Variants in PTPRD observed in about 807,000 individuals in gnomAD.
The protein encoded by PTPRD is protein tyrosine phosphatase receptor type D.
PTPRD carries 34 observed loss-of-function variants against 214.5 expected under a neutral mutation model. That is an observed-to-expected ratio of 0.16 (90% CI 0.12 to 0.21). The LOEUF (loss-of-function observed/expected upper bound fraction) is 0.21. Among genes scored for constraint, PTPRD ranks in the 10% least tolerant of loss-of-function variants. The probability of loss-of-function intolerance (pLI) is 1.00; values close to 1 mark genes in which losing one functional copy is unlikely to be tolerated. For missense variants in PTPRD, 2,545 were observed against 2,398.7 expected, an observed-to-expected ratio of 1.06 and a Z score of -1.27; for synonymous variants, 1,128 against 845.7, an observed-to-expected ratio of 1.33 and a Z score of -5.79.
At chr9:9,993,832 C>A (rs1043234550) in intron 4 of PTPRD, among the ~76,000 whole-genome samples, 1 of 152,068 alleles carries the variant, frequency 6.6e-6, no homozygotes, top group Non-Finnish European at 1.5e-5. Context: ...TTTTCTCCAC[C>A]AATGAGATTT....
chr9:8,934,496 TATATATATAAATATATATATATAA>T (rs1567101091), intron 11 of PTPRD, among the ~76,000 whole-genome samples: 455 of 31,632 alleles, frequency 0.014, 55 homozygotes, highest in Admixed American at 0.038. Context: ...TATATATAAA[TATATATATAAATATATATATATAA>T]ATATATATAT....
chr9:10,035,280 T>C (rs1002805519), intron 3 of PTPRD, among the ~76,000 whole-genome samples: 14 of 151,932 alleles, frequency 9.2e-5, no homozygotes, highest in African/African-American at 3.2e-4. Context: ...CACTTTTTAA[T>C]GGGGTATTTT....
At chr9:8,842,882 G>A (rs531514064) in intron 11 of PTPRD, among the ~76,000 whole-genome samples, 54 of 152,216 alleles carry the variant, frequency 3.5e-4, no homozygotes, top group East Asian at 1.5e-3. Context: ...CTCCTGCTCC[G>A]TCGGCCATCC....
chr9:8,705,592 C>T (rs967846290), intron 12 of PTPRD, among the ~76,000 whole-genome samples: 2 of 152,138 alleles, frequency 1.3e-5, no homozygotes, highest in Admixed American at 6.5e-5. Flanking sequence ...TAAGAAGCAA[C>T]AGCAAAGAAG....
chr9:9,636,344 G>A (rs1214049948), intron 7 of PTPRD, among the ~76,000 whole-genome samples: 1 of 152,140 alleles, frequency 6.6e-6, no homozygotes, highest in Admixed American at 6.5e-5. Context: ...AGTAATGACT[G>A]TAGTAGACAT....
chr9:8,427,625 A>T (rs997514267), intron 35 of PTPRD, among the ~76,000 whole-genome samples: 6 of 152,098 alleles, frequency 3.9e-5, no homozygotes, highest in African/African-American at 1.4e-4. Context: ...CACTGGTTTA[A>T]ACTAGCAAGT....
chr9:10,051,909 C>A (rs2097542020), intron 3 of PTPRD, among the ~76,000 whole-genome samples: 1 of 151,912 alleles, frequency 6.6e-6, no homozygotes. Flanking sequence ...CCACAGCAAC[C>A]ACATGTTTTA....
intron 3 of PTPRD, among the ~76,000 whole-genome samples, chr9:10,069,907 T>C (rs185173088): frequency 3.9e-5 from 6 of 152,158 alleles, no homozygotes; most frequent in Admixed American, 3.3e-4. Flanking sequence ...AGATCCTATG[T>C]ATTTGCTATT....
At chr9:9,105,787 C>A (rs2099797628) in intron 10 of PTPRD, among the ~76,000 whole-genome samples, 2 of 152,140 alleles carry the variant, frequency 1.3e-5, no homozygotes, top group Non-Finnish European at 2.9e-5. Context: ...ATTGATGTGG[C>A]TTTGCTTAAG....
intron 4 of PTPRD, among the ~76,000 whole-genome samples, chr9:9,952,670 C>G (rs895025653): frequency 1.3e-5 from 2 of 151,988 alleles, no homozygotes; most frequent in Non-Finnish European, 2.9e-5. Context: ...GTCCTTGCAC[C>G]ATTTTGCCAG....
intron 7 of PTPRD, among the ~76,000 whole-genome samples, chr9:9,653,221 AG>A: frequency 6.7e-6 from 1 of 149,710 alleles, no homozygotes; most frequent in East Asian, 2.0e-4. Flanking sequence ...GGGCGCCTGT[AG>A]TCCCAGCTAC....
chr9:8,395,197 C>T (rs547580557), intron 36 of PTPRD, among the ~76,000 whole-genome samples: 1 of 152,232 alleles, frequency 6.6e-6, no homozygotes, highest in South Asian at 2.1e-4. Context: ...CAGAAGTACT[C>T]AAGACCCGAC....
At chr9:8,570,565 AT>A (rs137972803) in intron 14 of PTPRD, among the ~76,000 whole-genome samples, 20 of 151,406 alleles carry the variant, frequency 1.3e-4, no homozygotes, top group Admixed American at 4.0e-4. Context: ...TAACAAATAC[AT>A]TTTTTTTTAC....
chr9:9,579,550 C>A (rs2090093503), intron 7 of PTPRD, among the ~76,000 whole-genome samples: 1 of 151,836 alleles, frequency 6.6e-6, no homozygotes, highest in African/African-American at 2.4e-5. Context: ...TTAAGCCCAG[C>A]ATGCATGATC....
At chr9:8,960,230 T>A (rs1376200860) in intron 11 of PTPRD, among the ~76,000 whole-genome samples, 1 of 152,070 alleles carries the variant, frequency 6.6e-6, no homozygotes, top group Non-Finnish European at 1.5e-5. Flanking sequence ...GTAGTACTTA[T>A]TGAATACTAT....
intron 2 of PTPRD, among the ~76,000 whole-genome samples, chr9:10,610,449 A>G (rs2080665775): frequency 6.6e-6 from 1 of 152,116 alleles, no homozygotes. Flanking sequence ...AACATGTTTG[A>G]ACCACTGTTA....
At chr9:10,218,243 C>G (rs545729276) in intron 3 of PTPRD, among the ~76,000 whole-genome samples, 6 of 151,968 alleles carry the variant, frequency 3.9e-5, no homozygotes, top group African/African-American at 1.4e-4. Context: ...ATATTAAAAA[C>G]AAGCAAGCAC....
chr9:10,550,110 T>G (rs2060980260), intron 2 of PTPRD, among the ~76,000 whole-genome samples: 1 of 152,208 alleles, frequency 6.6e-6, no homozygotes, highest in South Asian at 2.1e-4. Flanking sequence ...AGGGACTGTC[T>G]GATTACAAAT....
At chr9:9,864,454 G>T (rs11999955) in intron 5 of PTPRD, among the ~76,000 whole-genome samples, 13,256 of 152,092 alleles carry the variant, frequency 0.087, 1,403 homozygotes, top group African/African-American at 0.26. Context: ...TGCAAAGTAT[G>T]ATCAGAAATA....
Sources: gnomAD v4.1 joint callset for allele counts (sites outside exome capture counted in the v4.1 genomes callset) on GRCh38, gnomAD v4.1.1 for gene constraint, MANE v1.5 for transcripts, NCBI Gene and HGNC (gene_info 2026-07-23, HGNC 2026-07-21) for gene names.